Variants in SLC35D2 observed in about 807,000 individuals in gnomAD.
The protein encoded by SLC35D2 is nucleotide sugar transporter SLC35D2.
A neutral mutation model predicts 41.8 loss-of-function variants in SLC35D2; 43 were observed. That is an observed-to-expected ratio of 1.03 (90% CI 0.81 to 1.33). The LOEUF is 1.33. Among genes scored for constraint, SLC35D2 ranks in the 40% most tolerant of loss-of-function variants. The pLI is 0.00. For synonymous variants in SLC35D2, 150 were observed against 163.9 expected (o/e 0.92, Z 0.65); for missense variants, 380 against 408.4 (o/e 0.93, Z 0.60).
Position 96,382,735 on chromosome 9 carries a change from T to C in SLC35D2, c.158+742A>G, listed in dbSNP as rs757449235. On this transcript the variant is annotated intron_variant, in intron 1 of 11. Coordinates refer to ENST00000253270, the MANE Select transcript of SLC35D2 (RefSeq NM_007001.3). ...TTGATGGCATATTCTTGTAACATAG[T>C]AGAGTTTACAAAGAGCCTTCACATA... Among the ~76,000 whole-genome samples the C allele has an allele frequency of 1.2e-3, 187 of 152,194 alleles. 1 individual carries two copies. The highest frequency in any genetic ancestry group is 4.4e-3 in the African/African-American group (183 of 41,536).
chr9:96,318,437 GAC>G (rs969864316), downstream of SLC35D2, among the ~76,000 whole-genome samples: 61 of 152,172 alleles, frequency 4.0e-4, no homozygotes, highest in African/African-American at 1.4e-3. Flanking sequence ...CAGCCTGGGA[GAC>G]AGAGTGAGAC....
At chr9:96,344,530 G>A (rs1278967307) in intron 7 of SLC35D2, among the ~76,000 whole-genome samples, 12 of 29,396 alleles carry the variant, frequency 4.1e-4, no homozygotes, top group African/African-American at 1.2e-3. Flanking sequence ...AAAAAAAAAA[G>A]GCCATGCAGG....
chr9:96,349,427 C>T (rs1388987247), intron 6 of SLC35D2, among the ~76,000 whole-genome samples: 2 of 152,168 alleles, frequency 1.3e-5, no homozygotes, highest in East Asian at 3.8e-4. Flanking sequence ...GCACCTGCAC[C>T]CCACTGGGTC....
chr9:96,383,232 C>T (rs955935447), intron 1 of SLC35D2, among the ~76,000 whole-genome samples: 8 of 152,232 alleles, frequency 5.3e-5, no homozygotes, highest in Non-Finnish European at 1.2e-4. Context: ...ACCAGCCCAC[C>T]TAGGACAGGG....
chr9:96,357,900 G>A (rs935955395), intron 4 of SLC35D2, among the ~76,000 whole-genome samples: 9 of 151,632 alleles, frequency 5.9e-5, no homozygotes, highest in Admixed American at 2.0e-4. Context: ...TAAGCCAGGC[G>A]TGGTGGCACA....
rs57531044 is a variant in SLC35D2 at position 96,350,347 on chromosome 9, C to CTTTTTTTTTTTTT, written c.488+743_488+755dup. Among the ~76,000 whole-genome samples, 10 of 91,008 alleles carry CTTTTTTTTTTTTT rather than the reference C, an allele frequency of 1.1e-4. 2 individuals are homozygous for CTTTTTTTTTTTTT. Among genetic ancestry groups the CTTTTTTTTTTTTT allele is most frequent in the African/African-American group, 4.0e-4 (8 of 20,060 alleles). 59.7% of individuals were successfully genotyped at this position (91,008 alleles called of 152,430 possible). On this transcript the variant is annotated intron_variant, in intron 6 of 11. Transcript: ENST00000253270. The stretch of plus-strand genomic sequence containing the variant: ...CACGACGCCAGGCTAATTTTCTTTC[C>CTTTTTTTTTTTTT]TTTTTTTTTTTTTTTTTTTTTTTTT...
intron 6 of SLC35D2, among the ~76,000 whole-genome samples, chr9:96,346,430 G>A (rs772016370): frequency 1.3e-5 from 2 of 152,192 alleles, no homozygotes; most frequent in Non-Finnish European, 2.9e-5. Context: ...GCATCTCAGG[G>A]CCGACCCTCC....
Position 96,383,595 on chromosome 9 carries a change from C to A in SLC35D2, c.40G>T (p.Gly14Trp), listed in dbSNP as rs1367373398. 13 of 1,405,596 alleles carry A rather than the reference C, an allele frequency of 9.2e-6. No homozygotes were observed. The highest frequency in any genetic ancestry group is 9.3e-6 in the Non-Finnish European group (10 of 1,078,676). The allele number at this position is 1,405,596 out of a possible 1,614,324, so 87.1% of individuals were successfully genotyped here. A position where few individuals can be genotyped will look rare whatever the true frequency, so the allele number is the denominator to read the frequency against. ...GGQAEAEGAG[G>W]EPGAARLPSR... Reference sequence around the variant, plus strand: ...GGCAGCCGCGCCGCGCCGGGCTCCCCGCCAGCGCCCTCGGCCTCGGCCTGG... The same window carrying A: ...GGCAGCCGCGCCGCGCCGGGCTCCCAGCCAGCGCCCTCGGCCTCGGCCTGG... Residue 14 changes from glycine (G) to tryptophan (W), a missense_variant, in exon 1 of 12, where the codon GGG (glycine) becomes TGG (tryptophan). Physicochemically the swap from Gly to Trp is radical, Grantham distance 184. Transcript: ENST00000253270.
intron 2 of SLC35D2, among the ~76,000 whole-genome samples, chr9:96,367,733 C>G (rs1481596677): frequency 2.0e-5 from 3 of 151,452 alleles, no homozygotes; most frequent in African/African-American, 7.3e-5. Context: ...AGTGAGTCGA[C>G]ATTGTGCCAT....
chr9:96,363,411 C>A (rs942210258), intron 3 of SLC35D2, among the ~76,000 whole-genome samples: 1 of 152,166 alleles, frequency 6.6e-6, no homozygotes, highest in African/African-American at 2.4e-5. Flanking sequence ...AGCAAACCAG[C>A]CACATGAGAT....
At chr9:96,377,071 G>A (rs1348566660) in intron 1 of SLC35D2, among the ~76,000 whole-genome samples, 2 of 151,280 alleles carry the variant, frequency 1.3e-5, no homozygotes, top group South Asian at 2.1e-4. Flanking sequence ...GGCTCTCAGC[G>A]GACCAAGCAG....
chr9:96,358,080 T>TTTATATATATATATATATATATATA (rs990002916), intron 4 of SLC35D2, among the ~76,000 whole-genome samples: 1 of 122,692 alleles, frequency 8.2e-6, no homozygotes, highest in African/African-American at 3.9e-5. Context: ...ATTATATATT[T>TTTATATATATATATATATATATATA]TATATATATA....
At chr9:96,353,222 A>G (rs1172796872) in intron 4 of SLC35D2, among the ~76,000 whole-genome samples, 2 of 152,170 alleles carry the variant, frequency 1.3e-5, no homozygotes, top group African/African-American at 2.4e-5. Flanking sequence ...ACATGATACT[A>G]TAACTCTGTA....
chr9:96,322,503 A>G (rs927927898), intron 10 of SLC35D2, among the ~76,000 whole-genome samples: 1 of 152,152 alleles, frequency 6.6e-6, no homozygotes, highest in African/African-American at 2.4e-5. Context: ...TGGGCAACAG[A>G]GCAAGACCCT....
Position 96,333,549 on chromosome 9 carries a change from C to T in SLC35D2, c.752+3168G>A, listed in dbSNP as rs538790215. Among the ~76,000 whole-genome samples, 9 of 149,234 alleles carry T rather than the reference C, an allele frequency of 6.0e-5. No homozygotes were observed. The South Asian group carries it at 1.7e-3, about 28-fold the overall frequency. Reference sequence around the variant, plus strand: ...GGCGGTGCGTGCAGTGAGCCAAGATCGCGCCACCGCACTCCAGCCTGGGCG... The same window carrying T: ...GGCGGTGCGTGCAGTGAGCCAAGATTGCGCCACCGCACTCCAGCCTGGGCG... On this transcript the variant is annotated intron_variant, in intron 9 of 11. Coordinates refer to ENST00000253270, the MANE Select transcript of SLC35D2 (RefSeq NM_007001.3).
intron 4 of SLC35D2, among the ~76,000 whole-genome samples, chr9:96,356,653 G>A (rs1308685182): frequency 1.3e-5 from 2 of 151,918 alleles, no homozygotes; most frequent in African/African-American, 2.4e-5. Flanking sequence ...TGGATCCCGT[G>A]GGCCCAGGAG....
At chr9:96,349,656 G>C (rs1829729410) in intron 6 of SLC35D2, among the ~76,000 whole-genome samples, 1 of 152,070 alleles carries the variant, frequency 6.6e-6, no homozygotes, top group Non-Finnish European at 1.5e-5. Context: ...CTCCTGAGTA[G>C]CTGGGATTAT....
intron 3 of SLC35D2, 30 bp downstream of exon 3, chr9:96,364,434 T>C: frequency 7.9e-7 from 1 of 1,263,466 alleles, no homozygotes; most frequent in Non-Finnish European, 1.2e-6. Flanking sequence ...ACATCTTCTA[T>C]CACAGTCATA....
intron 2 of SLC35D2, among the ~76,000 whole-genome samples, chr9:96,364,761 C>A (rs370600444): frequency 1.3e-5 from 2 of 151,954 alleles, no homozygotes; most frequent in African/African-American, 4.8e-5. Context: ...AGGCAAAAAA[C>A]GTAACGTCGG....
Sources: gnomAD v4.1 joint callset for allele counts (sites outside exome capture counted in the v4.1 genomes callset) on GRCh38, gnomAD v4.1.1 for gene constraint, MANE v1.5 for transcripts, NCBI Gene and HGNC (gene_info 2026-07-23, HGNC 2026-07-21) for gene names.